Variants in KCND2 observed in about 807,000 individuals in gnomAD.
KCND2 encodes potassium voltage-gated channel subfamily D member 2.
KCND2 carries 16 observed loss-of-function variants against 54.4 expected under a neutral mutation model. The observed-to-expected ratio is 0.29, with a 90% CI of 0.20 to 0.45. The LOEUF (loss-of-function observed/expected upper bound fraction) is 0.45. Ranked by LOEUF, KCND2 falls within the 20% of genes least tolerant of loss-of-function variation. The probability of loss-of-function intolerance (pLI) is 1.00; values close to 1 mark genes in which losing one functional copy is unlikely to be tolerated. For missense variants in KCND2, 486 were observed against 824.2 expected (o/e 0.59, Z 5.02); for synonymous variants, 317 against 310.7 (o/e 1.02, Z -0.21).
At chr7:120,501,180 C>T (rs986512366) in intron 1 of KCND2, among the ~76,000 whole-genome samples, 4 of 152,082 alleles carry the variant, frequency 2.6e-5, no homozygotes, top group Non-Finnish European at 5.9e-5. Flanking sequence ...GGAACAGACT[C>T]ACGGCACAGT....
chr7:120,731,498 GGTGGT>G (rs1792806054), intron 1 of KCND2, among the ~76,000 whole-genome samples: 1 of 152,198 alleles, frequency 6.6e-6, no homozygotes, highest in South Asian at 2.1e-4. Context: ...CTTGGTGAAA[GGTGGT>G]GTAAAATACA....
chr7:120,365,201 A>C (rs1800650512), intron 1 of KCND2, among the ~76,000 whole-genome samples: 1 of 126,974 alleles, frequency 7.9e-6, no homozygotes, highest in Non-Finnish European at 1.6e-5. Context: ...AAGGGAGGAA[A>C]GAAGGAAGGA....
At chr7:120,367,604 C>G (rs1800706023) in intron 1 of KCND2, among the ~76,000 whole-genome samples, 2 of 147,172 alleles carry the variant, frequency 1.4e-5, no homozygotes, top group Non-Finnish European at 3.0e-5. Context: ...GGCCCTCTTC[C>G]AAACAAGAAC....
At chr7:120,626,788 T>C (rs1793169328) in intron 1 of KCND2, among the ~76,000 whole-genome samples, 1 of 152,208 alleles carries the variant, frequency 6.6e-6, no homozygotes, top group African/African-American at 2.4e-5. Flanking sequence ...GATTATAGTT[T>C]CTTCCCTATA....
At chr7:120,690,000 A>G (rs1359130978) in intron 1 of KCND2, among the ~76,000 whole-genome samples, 1 of 152,214 alleles carries the variant, frequency 6.6e-6, no homozygotes, top group Non-Finnish European at 1.5e-5. Flanking sequence ...TAGTCAAATC[A>G]GCAATTCTCC....
chr7:120,676,266 G>A (rs1792059604), intron 1 of KCND2, among the ~76,000 whole-genome samples: 1 of 152,002 alleles, frequency 6.6e-6, no homozygotes, highest in Non-Finnish European at 1.5e-5. Flanking sequence ...TAACTTTTTG[G>A]TAGGGTGGAA....
intron 1 of KCND2, among the ~76,000 whole-genome samples, chr7:120,331,087 G>A (rs1229372005): frequency 6.6e-6 from 1 of 151,812 alleles, no homozygotes; most frequent in African/African-American, 2.4e-5. Context: ...ATTTTCTTAG[G>A]TTTTGATATA....
At chr7:120,363,878 T>C (rs939152118) in intron 1 of KCND2, among the ~76,000 whole-genome samples, 12 of 152,156 alleles carry the variant, frequency 7.9e-5, no homozygotes, top group Non-Finnish European at 2.9e-5. Context: ...CCCTTCTCAC[T>C]GGCATTCTTA....
intron 1 of KCND2, among the ~76,000 whole-genome samples, chr7:120,449,145 C>G (rs1563049492): frequency 6.6e-6 from 1 of 151,894 alleles, no homozygotes; most frequent in African/African-American, 2.4e-5. Context: ...CTGGCTAACA[C>G]AGTGAAACCC....
chr7:120,610,578 C>T (rs1303367095), intron 1 of KCND2, among the ~76,000 whole-genome samples: 1 of 152,058 alleles, frequency 6.6e-6, no homozygotes, highest in Non-Finnish European at 1.5e-5. Flanking sequence ...TTCCAGTAAG[C>T]TTCCATGAGA....
At chr7:120,440,178 A>T (rs1480387450) in intron 1 of KCND2, among the ~76,000 whole-genome samples, 2 of 151,982 alleles carry the variant, frequency 1.3e-5, no homozygotes, top group Non-Finnish European at 2.9e-5. Context: ...TCTCTTTATG[A>T]TAATAACCAT....
intron 1 of KCND2, among the ~76,000 whole-genome samples, chr7:120,334,812 A>T (rs1800121267): frequency 1.3e-5 from 2 of 152,212 alleles, no homozygotes; most frequent in Admixed American, 1.3e-4. Context: ...AGTCTTCTTA[A>T]TATGTAAGCA....
At chr7:120,288,029 A>T (rs1439611119) in intron 1 of KCND2, among the ~76,000 whole-genome samples, 1 of 152,158 alleles carries the variant, frequency 6.6e-6, no homozygotes, top group Non-Finnish European at 1.5e-5. Context: ...ATCATTAGTC[A>T]GTGTTTAGGA....
chr7:120,647,880 T>C (rs1468602234), intron 1 of KCND2, among the ~76,000 whole-genome samples: 2 of 152,188 alleles, frequency 1.3e-5, no homozygotes, highest in Non-Finnish European at 2.9e-5. Context: ...TTCCCACATA[T>C]ACGGTATATG....
chr7:120,361,668 C>A (rs1800594742), intron 1 of KCND2, among the ~76,000 whole-genome samples: 1 of 151,980 alleles, frequency 6.6e-6, no homozygotes, highest in African/African-American at 2.4e-5. Flanking sequence ...CTTTGAAAAG[C>A]AGAAAGGCGA....
At chr7:120,539,379 G>A (rs907661332) in intron 1 of KCND2, among the ~76,000 whole-genome samples, 3 of 152,184 alleles carry the variant, frequency 2.0e-5, no homozygotes, top group Admixed American at 6.5e-5. Context: ...GGGGCTTATG[G>A]TCAGTTTGCT....
At chr7:120,684,647 G>A (rs540998426) in intron 1 of KCND2, among the ~76,000 whole-genome samples, 4 of 152,144 alleles carry the variant, frequency 2.6e-5, no homozygotes, top group Admixed American at 6.6e-5. Flanking sequence ...CCTATTACCC[G>A]TGGGTCCAGG....
intron 1 of KCND2, among the ~76,000 whole-genome samples, chr7:120,445,881 G>A (rs886288360): frequency 6.6e-6 from 1 of 152,062 alleles, no homozygotes; most frequent in African/African-American, 2.4e-5. Context: ...TAATCTGTAT[G>A]AAATGTTTTA....
At chr7:120,366,203 G>T (rs1486382931) in intron 1 of KCND2, among the ~76,000 whole-genome samples, 2 of 152,024 alleles carry the variant, frequency 1.3e-5, no homozygotes, top group African/African-American at 4.8e-5. Flanking sequence ...AAGAAATTTT[G>T]GCTGGGCACA....
Sources: allele counts gnomAD v4.1 joint callset (sites outside exome capture counted in the v4.1 genomes callset), GRCh38; gene constraint gnomAD v4.1.1; transcripts MANE v1.5; gene names NCBI Gene and HGNC (gene_info 2026-07-23, HGNC 2026-07-21).